SPATS2: variants seen among roughly 807,000 people sequenced by gnomAD.
SPATS2 encodes spermatogenesis associated serine rich 2.
SPATS2 carries 38 observed loss-of-function variants against 63.7 expected under a neutral mutation model. The ratio of observed to expected loss-of-function variants is 0.60; its 90% CI spans 0.46 to 0.78. The LOEUF is 0.78. Among genes scored for constraint, SPATS2 ranks in the 30% least tolerant of loss-of-function variants. SPATS2 has a pLI of 0.00. For synonymous variants in SPATS2, 207 were observed against 232.9 expected (o/e 0.89, Z 1.01); for missense variants, 588 against 666.2 (o/e 0.88, Z 1.29).
intron 2 of SPATS2, among the ~76,000 whole-genome samples, chr12:49,394,449 G>A (rs896946812): frequency 2.5e-4 from 38 of 151,926 alleles, no homozygotes; most frequent in African/African-American, 7.3e-4. Context: ...GGGAGAATTG[G>A]CATGCTGACA....
intron 3 of SPATS2, among the ~76,000 whole-genome samples, chr12:49,467,880 C>T (rs1945952005): frequency 2.0e-5 from 3 of 151,594 alleles, no homozygotes; most frequent in South Asian, 2.1e-4. Context: ...ACTACAGGCA[C>T]CTGCCACCAC....
At chr12:49,497,149 T>TACTC (rs1946476713) in intron 8 of SPATS2, 140 bp downstream of exon 8, 1 of 798,616 alleles carries the variant, frequency 1.3e-6, no homozygotes, top group South Asian at 1.9e-5. Flanking sequence ...AGTGACTGAC[T>TACTC]ACTCAGCCCT....
intron 2 of SPATS2, among the ~76,000 whole-genome samples, chr12:49,429,110 CTGA>C (rs1471202888): frequency 1.3e-5 from 2 of 152,162 alleles, no homozygotes; most frequent in African/African-American, 4.8e-5. Flanking sequence ...ACAGCTGCTG[CTGA>C]TGACTAATGT....
At chr12:49,475,886 A>G (rs1946109139) in intron 3 of SPATS2, among the ~76,000 whole-genome samples, 1 of 152,166 alleles carries the variant, frequency 6.6e-6, no homozygotes, top group Non-Finnish European at 1.5e-5. Context: ...TAAAGTCAAT[A>G]TCATTGCCTC....
intron 11 of SPATS2, among the ~76,000 whole-genome samples, chr12:49,521,760 C>T (rs1263564559): frequency 1.3e-5 from 2 of 152,130 alleles, no homozygotes; most frequent in Admixed American, 6.5e-5. Context: ...CAGAATTAAT[C>T]TCAGACTGAT....
At chr12:49,440,688 C>T (rs528694591) in intron 2 of SPATS2, among the ~76,000 whole-genome samples, 2 of 152,204 alleles carry the variant, frequency 1.3e-5, no homozygotes, top group East Asian at 1.9e-4. Context: ...AGGATGGTCT[C>T]GATCTCTTGA....
At chr12:49,390,057 A>G (rs1157702684) in intron 2 of SPATS2, 14 of 1,077,256 alleles carry the variant, frequency 1.3e-5, no homozygotes, top group African/African-American at 4.6e-5. Flanking sequence ...GAGAGATCCT[A>G]TAAATAACTC....
At chr12:49,519,028 C>G in intron 10 of SPATS2, 45 bp from the exon 11 acceptor site, 1 of 1,496,578 alleles carries the variant, frequency 6.7e-7, no homozygotes. Flanking sequence ...CTTCTTTATC[C>G]TATTTAGCAG....
At chr12:49,427,236 T>C (rs915044616) in intron 2 of SPATS2, among the ~76,000 whole-genome samples, 1 of 152,202 alleles carries the variant, frequency 6.6e-6, no homozygotes, top group Non-Finnish European at 1.5e-5. Flanking sequence ...TTATCAAATA[T>C]ATATGTGTGT....
intron 10 of SPATS2, among the ~76,000 whole-genome samples, chr12:49,516,961 G>A (rs1050370677): frequency 6.6e-6 from 1 of 152,104 alleles, no homozygotes; most frequent in Non-Finnish European, 1.5e-5. Flanking sequence ...GTGCTATCAA[G>A]AGTTGCTTTT....
intron 2 of SPATS2, among the ~76,000 whole-genome samples, chr12:49,405,435 C>T (rs972636470): frequency 1.3e-5 from 2 of 152,178 alleles, no homozygotes; most frequent in African/African-American, 4.8e-5. Flanking sequence ...CCGTGGCTCA[C>T]GCCTGAATTT....
At position 49,385,924 on chromosome 12, in the gene SPATS2, A is replaced by G. The variant is rs183414237; in HGVS notation, c.-244+14634A>G. ...TGCTCTGTCTCCCGGGCTGGAGTGC[A>G]GTGGTGCGATCTTACTGCAACCTCT... is the stretch of plus-strand genomic sequence containing the variant. On this transcript the variant is annotated intron_variant, in intron 2 of 13. Transcript: ENST00000552918. Among the ~76,000 whole-genome samples the G allele has an allele frequency of 5.5e-3, 820 of 148,504 alleles. 4 individuals carry two copies. The highest frequency in any genetic ancestry group is 9.9e-3 in the Non-Finnish European group (670 of 67,504).
At chr12:49,501,203 G>T (rs1946562349) in intron 9 of SPATS2, among the ~76,000 whole-genome samples, 1 of 152,140 alleles carries the variant, frequency 6.6e-6, no homozygotes, top group Non-Finnish European at 1.5e-5. Context: ...CAAGTGATCT[G>T]CCTGAAGCTG....
intron 2 of SPATS2, among the ~76,000 whole-genome samples, chr12:49,385,675 G>T (rs1944302009): frequency 6.6e-6 from 1 of 152,050 alleles, no homozygotes; most frequent in African/African-American, 2.4e-5. Context: ...TTAGCTGAGA[G>T]TGAGGATGAG....
intron 3 of SPATS2, among the ~76,000 whole-genome samples, chr12:49,466,798 A>G (rs1945923993): frequency 6.6e-6 from 1 of 152,194 alleles, no homozygotes; most frequent in African/African-American, 2.4e-5. Context: ...TTTACATACA[A>G]AATTTAGAAT....
intron 11 of SPATS2, among the ~76,000 whole-genome samples, chr12:49,520,002 G>A (rs1196142110): frequency 8.2e-5 from 12 of 147,212 alleles, no homozygotes; most frequent in African/African-American, 2.3e-4. Context: ...TTTTTGATTC[G>A]GAGTTTCGCT....
At chr12:49,381,877 C>A (rs767483685) in intron 2 of SPATS2, among the ~76,000 whole-genome samples, 6 of 152,088 alleles carry the variant, frequency 3.9e-5, no homozygotes, top group Non-Finnish European at 8.8e-5. Flanking sequence ...TATATTCTAC[C>A]AGGTTTATAG....
chr12:49,367,244 C>G (rs1284751807), upstream of SPATS2: 1 of 273,856 alleles, frequency 3.7e-6, no homozygotes, highest in Non-Finnish European at 6.8e-6. Flanking sequence ...GCCGGATTCG[C>G]GCCGGCGCGA....
At chr12:49,408,351 C>G (rs1944733277) in intron 2 of SPATS2, among the ~76,000 whole-genome samples, 1 of 151,538 alleles carries the variant, frequency 6.6e-6, no homozygotes, top group Non-Finnish European at 1.5e-5. Context: ...CTCCTGGGCT[C>G]CAGCGATTCT....
Sources: gnomAD v4.1 joint callset for allele counts (sites outside exome capture counted in the v4.1 genomes callset) on GRCh38, gnomAD v4.1.1 for gene constraint, MANE v1.5 for transcripts, NCBI Gene and HGNC (gene_info 2026-07-23, HGNC 2026-07-21) for gene names.